Variants in SPATS2L observed in about 807,000 individuals in gnomAD.
The protein encoded by SPATS2L is spermatogenesis associated serine rich 2 like, also known as SPATS2-like protein.
SPATS2L carries 30 observed loss-of-function variants against 59.6 expected under a neutral mutation model. That is an observed-to-expected ratio of 0.50 (90% CI 0.38 to 0.68). SPATS2L has a LOEUF of 0.68. Ranked by LOEUF, SPATS2L falls within the 30% of genes least tolerant of loss-of-function variation. The pLI is 0.00. For synonymous variants in SPATS2L, 252 were observed against 263.5 expected, an observed-to-expected ratio of 0.96 and a Z score of 0.42; for missense variants, 615 against 700.0, an observed-to-expected ratio of 0.88 and a Z score of 1.37.
intron 8 of SPATS2L, among the ~76,000 whole-genome samples, chr2:200,454,562 C>G (rs1046380130): frequency 1.3e-5 from 2 of 151,868 alleles, no homozygotes; most frequent in African/African-American, 4.8e-5. Flanking sequence ...GACACTTTAT[C>G]TCTGTGATTA....
intron 8 of SPATS2L, among the ~76,000 whole-genome samples, chr2:200,456,328 C>A (rs1411197695): frequency 6.6e-6 from 1 of 152,222 alleles, no homozygotes; most frequent in East Asian, 1.9e-4. Context: ...AGACAATCTT[C>A]TATGGAAATA....
chr2:200,436,322 A>G (rs1301773525), intron 6 of SPATS2L, among the ~76,000 whole-genome samples: 1 of 152,214 alleles, frequency 6.6e-6, no homozygotes, highest in Non-Finnish European at 1.5e-5. Flanking sequence ...AGTAACACTG[A>G]TACATTCATT....
At chr2:200,306,188 T>TC, upstream of SPATS2L, 3 of 1,001,398 alleles carry the variant, frequency 3.0e-6, no homozygotes, top group Non-Finnish European at 3.6e-6. Flanking sequence ...TATCTTTGCT[T>TC]ACATTTTGAG....
chr2:200,390,247 A>G (rs1213565268), intron 3 of SPATS2L: 2 of 152,254 alleles, frequency 1.3e-5, no homozygotes, highest in Non-Finnish European at 2.9e-5. Flanking sequence ...TCACTTAGCA[A>G]CAGGGTAATA....
intron 1 of SPATS2L, among the ~76,000 whole-genome samples, chr2:200,310,767 T>A (rs2079168093): frequency 6.6e-6 from 1 of 152,248 alleles, no homozygotes; most frequent in Non-Finnish European, 1.5e-5. Flanking sequence ...TGGATCTCAC[T>A]GCCCTTCTAA....
intron 6 of SPATS2L, among the ~76,000 whole-genome samples, chr2:200,424,314 T>C (rs553312178): frequency 7.9e-6 from 1 of 126,762 alleles, no homozygotes; most frequent in Admixed American, 8.4e-5. Flanking sequence ...TAGCGAGCTC[T>C]TATCTCTTTA....
chr2:200,431,294 C>T (rs558534872), intron 6 of SPATS2L, among the ~76,000 whole-genome samples: 201 of 152,172 alleles, frequency 1.3e-3, no homozygotes, highest in Non-Finnish European at 2.4e-3. Flanking sequence ...TTTAAGAACA[C>T]AAAGATCAAT....
At chr2:200,442,627 A>G (rs1198371849) in intron 8 of SPATS2L, among the ~76,000 whole-genome samples, 1 of 152,244 alleles carries the variant, frequency 6.6e-6, no homozygotes, top group Non-Finnish European at 1.5e-5. Flanking sequence ...TGAGTGACTC[A>G]TATACTAATT....
intron 3 of SPATS2L, among the ~76,000 whole-genome samples, chr2:200,398,722 G>C (rs777810373): frequency 9.9e-5 from 15 of 152,186 alleles, no homozygotes; most frequent in Non-Finnish European, 1.9e-4. Flanking sequence ...GGATGAACCT[G>C]TGGTCTTTCC....
rs1196617873 is a variant in SPATS2L at position 200,480,907 on chromosome 2, C to A, written c.*2876C>A. ...CTTAATGCACAGTAGTCAGATTATT[C>A]TCTTAAACATTTGCCTAGTAGAGGT... On this transcript the variant is annotated 3_prime_UTR_variant, in exon 13 of 13. Transcript: ENST00000409140. 1 of 152,154 alleles carries A rather than the reference C, an allele frequency of 6.6e-6. No homozygotes were observed. Among genetic ancestry groups the A allele is most frequent in the African/African-American group, 2.4e-5 (1 of 41,430 alleles). 9.4% of individuals were successfully genotyped at this position (152,154 alleles called of 1,614,324 possible).
At chr2:200,372,694 A>G (rs2081468659) in intron 2 of SPATS2L, among the ~76,000 whole-genome samples, 1 of 152,176 alleles carries the variant, frequency 6.6e-6, no homozygotes. Flanking sequence ...ATGGCACCAG[A>G]CTAGTGGAAT....
chr2:200,336,409 A>T (rs554766516), intron 2 of SPATS2L, among the ~76,000 whole-genome samples: 14 of 152,150 alleles, frequency 9.2e-5, no homozygotes, highest in Admixed American at 2.6e-4. Context: ...TATGAATTTA[A>T]AAAAAAAGAC....
At chr2:200,464,006 G>A (rs889391260) in intron 9 of SPATS2L, among the ~76,000 whole-genome samples, 2 of 152,192 alleles carry the variant, frequency 1.3e-5, no homozygotes, top group African/African-American at 4.8e-5. Flanking sequence ...TTGAGAAAGT[G>A]GATTTCAGCT....
chr2:200,365,087 T>A (rs2081226930), intron 2 of SPATS2L, among the ~76,000 whole-genome samples: 1 of 152,230 alleles, frequency 6.6e-6, no homozygotes, highest in South Asian at 2.1e-4. Context: ...CAGGTTTTCC[T>A]CTGTCTTTGC....
intron 1 of SPATS2L, among the ~76,000 whole-genome samples, chr2:200,311,768 G>GA (rs955236190): frequency 1.3e-5 from 2 of 152,074 alleles, no homozygotes; most frequent in Non-Finnish European, 2.9e-5. Context: ...AGCCTAGCAG[G>GA]AAAAAATAAC....
intron 3 of SPATS2L, among the ~76,000 whole-genome samples, chr2:200,396,583 G>C (rs959976898): frequency 6.6e-6 from 1 of 152,102 alleles, no homozygotes; most frequent in African/African-American, 2.4e-5. Flanking sequence ...TCTTTATGTG[G>C]GGTGGAGTAT....
intron 9 of SPATS2L, among the ~76,000 whole-genome samples, chr2:200,466,732 G>A (rs753844534): frequency 6.6e-5 from 10 of 152,184 alleles, no homozygotes; most frequent in Non-Finnish European, 1.0e-4. Flanking sequence ...AAACATATCT[G>A]CAGAGTATCA....
chr2:200,399,776 C>T (rs571796790), intron 3 of SPATS2L, among the ~76,000 whole-genome samples: 18 of 152,240 alleles, frequency 1.2e-4, no homozygotes, highest in Admixed American at 3.3e-4. Context: ...TTTAAATCAT[C>T]GGCTTCCTCT....
intron 6 of SPATS2L, among the ~76,000 whole-genome samples, chr2:200,434,536 T>C (rs1463769781): frequency 1.3e-5 from 2 of 152,038 alleles, no homozygotes; most frequent in African/African-American, 2.4e-5. Flanking sequence ...TCGCTAGATA[T>C]AAGTTCAATA....
Sources: allele counts gnomAD v4.1 joint callset (sites outside exome capture counted in the v4.1 genomes callset), GRCh38; gene constraint gnomAD v4.1.1; transcripts MANE v1.5; gene names NCBI Gene and HGNC (gene_info 2026-07-23, HGNC 2026-07-21).